Variants in MACROD2 observed in about 807,000 individuals in gnomAD.
MACROD2 encodes the protein mono-ADP ribosylhydrolase 2.
Under a neutral mutation model 70.4 loss-of-function variants are expected in MACROD2, and 36 were observed. The ratio of observed to expected loss-of-function variants is 0.51; its 90% CI spans 0.39 to 0.68. The LOEUF is 0.68. Among genes scored for constraint, MACROD2 ranks in the 30% least tolerant of loss-of-function variants. The pLI, the probability that MACROD2 is intolerant of heterozygous loss-of-function variation, is 0.00. For synonymous variants in MACROD2, 172 were observed against 178.8 expected, an observed-to-expected ratio of 0.96 and a Z score of 0.30; for missense variants, 496 against 538.4, an observed-to-expected ratio of 0.92 and a Z score of 0.78.
At chr20:15,685,378 C>T (rs1374668413) in intron 8 of MACROD2, among the ~76,000 whole-genome samples, 1 of 152,192 alleles carries the variant, frequency 6.6e-6, no homozygotes, top group African/African-American at 2.4e-5. Flanking sequence ...TTCGAAAGAA[C>T]ATAAGATAGC....
At chr20:15,267,264 C>T (rs1481383026) in intron 6 of MACROD2, among the ~76,000 whole-genome samples, 1 of 152,192 alleles carries the variant, frequency 6.6e-6, no homozygotes, top group Non-Finnish European at 1.5e-5. Context: ...GTCTCACCAG[C>T]GCTTACCTCC....
rs540300842 is a variant in MACROD2 at position 14,900,624 on chromosome 20, C to CT, written c.418+215671dup. 3.4e-3 allele frequency among the ~76,000 whole-genome samples: 509 copies of CT among 151,726 alleles called. 3 individuals carry two copies. The highest frequency in any genetic ancestry group is 0.012 in the African/African-American group (477 of 41,428). On this transcript the variant is annotated intron_variant, in intron 5 of 17. Transcript: ENST00000684519. Reference sequence around the variant, plus strand: ...ATTAGTTATAGTATTCTTGTAAAATCTTTTTTGTTTCTGCGAGGTCAGTAG... The same window carrying CT: ...ATTAGTTATAGTATTCTTGTAAAATCTTTTTTTGTTTCTGCGAGGTCAGTAG...
chr20:14,701,430 C>T (rs930779798), intron 5 of MACROD2, among the ~76,000 whole-genome samples: 1 of 152,176 alleles, frequency 6.6e-6, no homozygotes, highest in Non-Finnish European at 1.5e-5. Flanking sequence ...CTTGATAACT[C>T]TGTCCTTCAA....
chr20:15,784,722 A>G (rs1468743429), intron 8 of MACROD2, among the ~76,000 whole-genome samples: 6 of 152,192 alleles, frequency 3.9e-5, no homozygotes, highest in Non-Finnish European at 1.5e-5. Flanking sequence ...AAACAAGAAC[A>G]GTAAAGCTTT....
At chr20:15,827,707 A>T (rs1368872699) in intron 8 of MACROD2, among the ~76,000 whole-genome samples, 3 of 152,222 alleles carry the variant, frequency 2.0e-5, no homozygotes, top group African/African-American at 4.8e-5. Context: ...AGTTATCAGC[A>T]TGAACTAAAC....
At chr20:15,278,803 G>T (rs1178628828) in intron 6 of MACROD2, among the ~76,000 whole-genome samples, 1 of 152,130 alleles carries the variant, frequency 6.6e-6, no homozygotes, top group East Asian at 1.9e-4. Flanking sequence ...TTATTTTGTT[G>T]GTCTTCATTA....
chr20:15,914,704 A>G (rs1307803315), intron 10 of MACROD2, among the ~76,000 whole-genome samples: 1 of 152,164 alleles, frequency 6.6e-6, no homozygotes. Flanking sequence ...AATTTAAGTC[A>G]AGCCTTACAC....
chr20:14,346,954 G>A (rs183574864), intron 3 of MACROD2, among the ~76,000 whole-genome samples: 124 of 152,254 alleles, frequency 8.1e-4, no homozygotes, highest in Non-Finnish European at 1.3e-3. Flanking sequence ...TAGATTATAG[G>A]TTGGACAAAA....
rs192831861 is a variant in MACROD2, at chr20:14,937,701, T to G, written c.418+252742T>G. On this transcript the variant is annotated intron_variant, in intron 5 of 17. Transcript: ENST00000684519. ...TTAATGCTAGAAACATTCAAATTAT[T>G]CTTTTAACTATTTTGAAATATACAA... is the stretch of plus-strand genomic sequence containing the variant. Among the ~76,000 whole-genome samples, 258 of 152,280 alleles carry G rather than the reference T, an allele frequency of 1.7e-3. 1 individual carries two copies. The highest frequency in any genetic ancestry group is 7.0e-3 in the South Asian group (34 of 4,824).
intron 15 of MACROD2, among the ~76,000 whole-genome samples, chr20:16,012,460 A>C (rs969125352): frequency 1.3e-5 from 2 of 152,350 alleles, no homozygotes; most frequent in East Asian, 1.9e-4. Flanking sequence ...AGCAGTCATC[A>C]GCATTTTAAA....
At chr20:14,976,743 C>T (rs540550092) in intron 5 of MACROD2, among the ~76,000 whole-genome samples, 1 of 152,278 alleles carries the variant, frequency 6.6e-6, no homozygotes, top group African/African-American at 2.4e-5. Flanking sequence ...CACTTCCCAA[C>T]TCTGTGGCTT....
intron 8 of MACROD2, among the ~76,000 whole-genome samples, chr20:15,528,722 TG>T (rs1324362394): frequency 1.4e-5 from 2 of 138,164 alleles, no homozygotes; most frequent in African/African-American, 6.3e-5. Flanking sequence ...TGCAGTTATG[TG>T]GTTTTTTTTT....
intron 7 of MACROD2, among the ~76,000 whole-genome samples, chr20:15,497,896 C>T (rs536612615): frequency 7.9e-5 from 12 of 152,270 alleles, no homozygotes; most frequent in African/African-American, 2.6e-4. Context: ...TTTTAGAGGA[C>T]AGGGACTCAT....
chr20:15,104,949 ACTATT>A (rs1034412237), intron 5 of MACROD2, among the ~76,000 whole-genome samples: 1 of 152,196 alleles, frequency 6.6e-6, no homozygotes, highest in African/African-American at 2.4e-5. Context: ...AGGTGACTAT[ACTATT>A]CTTTTCCTTC....
chr20:14,128,799 G>A (rs1349612633), intron 3 of MACROD2, among the ~76,000 whole-genome samples: 2 of 152,128 alleles, frequency 1.3e-5, no homozygotes, highest in Non-Finnish European at 2.9e-5. Flanking sequence ...TATTGATGCT[G>A]AATCTACTCT....
At chr20:14,067,273 G>A (rs1343063004) in intron 2 of MACROD2, among the ~76,000 whole-genome samples, 2 of 151,358 alleles carry the variant, frequency 1.3e-5, no homozygotes, top group African/African-American at 2.4e-5. Context: ...ACTAGTGTGC[G>A]TCACCATGCC....
At chr20:15,789,218 G>T (rs1252314684) in intron 8 of MACROD2, among the ~76,000 whole-genome samples, 1 of 152,158 alleles carries the variant, frequency 6.6e-6, no homozygotes, top group African/African-American at 2.4e-5. Context: ...AAAAAGAAGT[G>T]CTTACACATT....
intron 5 of MACROD2, among the ~76,000 whole-genome samples, chr20:15,029,884 T>A (rs2075261158): frequency 6.6e-6 from 1 of 151,910 alleles, no homozygotes; most frequent in African/African-American, 2.4e-5. Flanking sequence ...GAGGTCAGGA[T>A]ATCCAGACCA....
intron 7 of MACROD2, among the ~76,000 whole-genome samples, chr20:15,478,730 T>C (rs2047055784): frequency 6.6e-6 from 1 of 152,150 alleles, no homozygotes; most frequent in African/African-American, 2.4e-5. Flanking sequence ...ATAAGGGAGT[T>C]GGCTATTTTA....
Sources: allele counts gnomAD v4.1 joint callset (sites outside exome capture counted in the v4.1 genomes callset), GRCh38; gene constraint gnomAD v4.1.1; transcripts MANE v1.5; gene names NCBI Gene and HGNC (gene_info 2026-07-23, HGNC 2026-07-21).